The following BBS9 variants were observed in gnomAD, a reference collection of about 807,000 sequenced individuals.
BBS9 encodes protein PTHB1.
BBS9 carries 89 observed loss-of-function variants against 117.7 expected under a neutral mutation model. The observed-to-expected ratio is 0.76, with a 90% CI of 0.64 to 0.90. The LOEUF is 0.90. Among genes scored for constraint, BBS9 ranks in the 40% least tolerant of loss-of-function variants. BBS9 has a pLI of 0.00. For synonymous variants in BBS9, 379 were observed against 370.9 expected, an observed-to-expected ratio of 1.02 and a Z score of -0.25; for missense variants, 982 against 1,042.2, an observed-to-expected ratio of 0.94 and a Z score of 0.80.
intron 17 of BBS9, among the ~76,000 whole-genome samples, chr7:33,375,716 G>A (rs1208867983): frequency 6.6e-6 from 1 of 150,944 alleles, no homozygotes; most frequent in Non-Finnish European, 1.5e-5. Flanking sequence ...TCAGCCTCCT[G>A]AGTAGCTGGG....
chr7:33,447,765 T>C (rs949996203), intron 19 of BBS9, among the ~76,000 whole-genome samples: 7 of 152,194 alleles, frequency 4.6e-5, no homozygotes, highest in Non-Finnish European at 1.0e-4. Flanking sequence ...TTTGATGGCT[T>C]TTGCCCTTGG....
intron 5 of BBS9, among the ~76,000 whole-genome samples, chr7:33,230,547 G>A (rs1792164185): frequency 6.6e-6 from 1 of 152,142 alleles, no homozygotes; most frequent in South Asian, 2.1e-4. Context: ...CACCCAACAG[G>A]TAGTTTTTCA....
intron 21 of BBS9, among the ~76,000 whole-genome samples, chr7:33,621,287 T>C (rs1259969868): frequency 6.6e-6 from 1 of 152,070 alleles, no homozygotes; most frequent in Non-Finnish European, 1.5e-5. Context: ...AAAATATTTG[T>C]GAACCGTGTA....
intron 8 of BBS9, 60 bp downstream of exon 8, chr7:33,273,255 G>A: frequency 1.3e-6 from 2 of 1,532,346 alleles, no homozygotes; most frequent in Non-Finnish European, 1.8e-6. Context: ...ATATACACCA[G>A]AAAAAGCCAC....
At chr7:33,179,746 G>C (rs1245232300) in intron 5 of BBS9, among the ~76,000 whole-genome samples, 4 of 152,052 alleles carry the variant, frequency 2.6e-5, no homozygotes, top group East Asian at 1.9e-4. Flanking sequence ...CCCCTTCCTG[G>C]TCTGTGGAAA....
intron 21 of BBS9, among the ~76,000 whole-genome samples, chr7:33,616,881 T>C (rs1482003570): frequency 6.6e-6 from 1 of 151,760 alleles, no homozygotes; most frequent in Non-Finnish European, 1.5e-5. Flanking sequence ...CCTTTTGGAG[T>C]CTCCAATGTC....
At chr7:33,621,880 T>C (rs528285209) in intron 21 of BBS9, among the ~76,000 whole-genome samples, 1 of 152,268 alleles carries the variant, frequency 6.6e-6, no homozygotes, top group South Asian at 2.1e-4. Flanking sequence ...CTAGAGGACA[T>C]TATGCTTTGT....
chr7:33,130,919 A>C (rs193149028), intron 1 of BBS9, among the ~76,000 whole-genome samples: 2 of 152,196 alleles, frequency 1.3e-5, no homozygotes, highest in South Asian at 4.1e-4. Context: ...TGCTCACTGA[A>C]GGGAAAAAAT....
chr7:33,327,593 G>T (rs561416657), intron 9 of BBS9, among the ~76,000 whole-genome samples: 2 of 152,112 alleles, frequency 1.3e-5, no homozygotes, highest in African/African-American at 2.4e-5. Flanking sequence ...CAGCTACTTC[G>T]GAAGCTGAGG....
intron 7 of BBS9, among the ~76,000 whole-genome samples, 179 bp downstream of exon 7, chr7:33,264,553 C>T (rs1798494952): frequency 6.6e-6 from 1 of 152,080 alleles, no homozygotes; most frequent in Non-Finnish European, 1.5e-5. Flanking sequence ...AATGGAAACA[C>T]ATGCCTGGTC....
chr7:33,490,943 C>T (rs1300906282), intron 19 of BBS9, among the ~76,000 whole-genome samples: 1 of 152,188 alleles, frequency 6.6e-6, no homozygotes, highest in African/African-American at 2.4e-5. Context: ...AATCTTGCTG[C>T]ATGACTGTGG....
chr7:33,527,534 CT>C (rs912439576), intron 20 of BBS9, among the ~76,000 whole-genome samples: 1 of 152,200 alleles, frequency 6.6e-6, no homozygotes, highest in Admixed American at 6.5e-5. Context: ...TCACCCCTTT[CT>C]TTGACTCGGA....
chr7:33,294,015 A>C (rs1252426797), intron 9 of BBS9, among the ~76,000 whole-genome samples: 3 of 152,028 alleles, frequency 2.0e-5, no homozygotes, highest in Non-Finnish European at 4.4e-5. Flanking sequence ...CTTTTTCTCC[A>C]TTTCTCTCAG....
chr7:33,534,150 C>G lies in BBS9; in HGVS notation c.2495C>G (p.Ala832Gly). 1 of 1,614,210 alleles carries G rather than the reference C, an allele frequency of 6.2e-7. No homozygotes were observed. Among genetic ancestry groups the G allele is most frequent in the South Asian group, 1.1e-5 (1 of 91,086 alleles). ...GGRLCLSTDA[A>G]APQTMVMPGG... is the part of the protein sequence containing the mutation. ...CGTCTCTGCCTAAGTACCGATGCAG[C>G]AGCCCCACAGACCATGGTCATGCCA... Residue 832 changes from alanine to glycine, a missense_variant, in exon 21 of 23, where the codon GCA (alanine) becomes GGA (glycine). By Grantham distance (60) the Ala-to-Gly change is moderately conservative. Transcript: ENST00000242067.
chr7:33,412,458 T>C (rs1490863881), intron 19 of BBS9, among the ~76,000 whole-genome samples: 2 of 152,242 alleles, frequency 1.3e-5, no homozygotes, highest in Non-Finnish European at 2.9e-5. Context: ...TTTCTGCCAG[T>C]AATTTCCCTG....
intron 20 of BBS9, among the ~76,000 whole-genome samples, chr7:33,520,277 G>T (rs1399316748): frequency 6.6e-6 from 1 of 152,134 alleles, no homozygotes; most frequent in African/African-American, 2.4e-5. Context: ...CTCCCAAAGT[G>T]CTGGGATTAC....
In BBS9 at chr7:33,357,942, A is replaced by G; in HGVS notation, c.1640A>G (p.Lys547Arg). ...CAGCCTTCAAAAACTGCAAGCCACA[A>G]AATTACTATTGATACCAACAAATCT... ...PGQPSKTASH[K>R]ITIDTNKSPV... Residue 547 changes from lysine to arginine, a missense_variant, in exon 16 of 23, where the codon AAA (lysine) becomes AGA (arginine). Coordinates refer to ENST00000242067, the MANE Select transcript of BBS9 (RefSeq NM_198428.3). 6.2e-7 allele frequency: 1 copy of G among 1,612,716 alleles called. No homozygotes were observed. The highest frequency in any genetic ancestry group is 8.5e-7 in the Non-Finnish European group (1 of 1,179,010).
intron 21 of BBS9, among the ~76,000 whole-genome samples, chr7:33,604,565 C>G (rs1338323273): frequency 6.6e-6 from 1 of 152,188 alleles, no homozygotes; most frequent in Non-Finnish European, 1.5e-5. Context: ...CTGGATATCA[C>G]ATATGCTATA....
intron 16 of BBS9, among the ~76,000 whole-genome samples, chr7:33,367,279 A>G (rs1364641266): frequency 6.6e-6 from 1 of 152,118 alleles, no homozygotes; most frequent in Non-Finnish European, 1.5e-5. Flanking sequence ...TCCAATAGTG[A>G]CCATTTGTTT....
Sources: gnomAD v4.1 joint callset for allele counts (sites outside exome capture counted in the v4.1 genomes callset) on GRCh38, gnomAD v4.1.1 for gene constraint, MANE v1.5 for transcripts, NCBI Gene and HGNC (gene_info 2026-07-23, HGNC 2026-07-21) for gene names.